The following MYO16 variants were observed in gnomAD, a reference collection of about 807,000 sequenced individuals.
The protein encoded by MYO16 is unconventional myosin-XVI.
In MYO16, 94 loss-of-function variants were observed where a neutral mutation model predicts 205.3. That is an observed-to-expected ratio of 0.46 (90% CI 0.39 to 0.54). MYO16 has a LOEUF of 0.54. Ranked by LOEUF, MYO16 falls within the 20% of genes least tolerant of loss-of-function variation. The pLI is 0.00. For synonymous variants in MYO16, 988 were observed against 954.0 expected, an observed-to-expected ratio of 1.04 and a Z score of -0.66; for missense variants, 2,315 against 2,387.5, an observed-to-expected ratio of 0.97 and a Z score of 0.63.
intron 4 of MYO16, among the ~76,000 whole-genome samples, chr13:108,738,624 G>A (rs926194876): frequency 3.3e-5 from 5 of 152,278 alleles, no homozygotes; most frequent in African/African-American, 7.2e-5. Flanking sequence ...TTGATTCGGG[G>A]TGAAGAGTTC....
At chr13:108,750,151 G>A (rs904956355) in intron 4 of MYO16, among the ~76,000 whole-genome samples, 1 of 152,156 alleles carries the variant, frequency 6.6e-6, no homozygotes, top group Admixed American at 6.5e-5. Flanking sequence ...ATTTTTTAGG[G>A]CAGTAAAACT....
intron 9 of MYO16, among the ~76,000 whole-genome samples, chr13:108,835,904 G>T (rs1235452901): frequency 1.3e-5 from 2 of 152,306 alleles, no homozygotes; most frequent in Admixed American, 1.3e-4. Flanking sequence ...TGGAAAATTT[G>T]CAGCCTGATG....
At chr13:108,745,133 A>C (rs1885020589) in intron 4 of MYO16, among the ~76,000 whole-genome samples, 1 of 152,238 alleles carries the variant, frequency 6.6e-6, no homozygotes, top group Non-Finnish European at 1.5e-5. Context: ...TGGACCTATC[A>C]GAGAACTAAG....
rs546964208 is a variant in MYO16, at chr13:109,205,314, T to C, written c.5416-1295T>C. Among the ~76,000 whole-genome samples, 7 of 152,276 alleles carry C rather than the reference T, an allele frequency of 4.6e-5. No homozygotes were observed. The East Asian group carries it at 1.4e-3, about 29-fold the overall frequency. On this transcript the variant is annotated intron_variant, in intron 34 of 34. Coordinates refer to ENST00000457511, the MANE Select transcript of MYO16 (RefSeq NM_001198950.3). Reference sequence around the variant, plus strand: ...TGATCCCAGCCTTTAAAATCCTCTTTCTGGGGGAAACAGTAGGCTCAGGTG... The same window carrying C: ...TGATCCCAGCCTTTAAAATCCTCTTCCTGGGGGAAACAGTAGGCTCAGGTG...
rs1298901755 is a variant in MYO16, at chr13:108,712,569, G to A, written c.293-92G>A. ...TAGTCTTTGGTTTTCACAGCTGTTT[G>A]CATTTTAGATATTAACGAAAGCCTA... On this transcript the variant is annotated intron_variant, in intron 2 of 34. Coordinates refer to ENST00000457511, the MANE Select transcript of MYO16 (RefSeq NM_001198950.3). 9 of 1,096,342 alleles carry A rather than the reference G, an allele frequency of 8.2e-6. No homozygotes were observed. The African/African-American group carries it at 1.4e-4, about 17-fold the overall frequency. 67.9% of individuals were successfully genotyped at this position (1,096,342 alleles called of 1,614,324 possible). A position where few individuals can be genotyped will look rare whatever the true frequency, so the allele number is the denominator to read the frequency against.
At chr13:108,755,669 T>G (rs1885400469) in intron 4 of MYO16, among the ~76,000 whole-genome samples, 1 of 152,188 alleles carries the variant, frequency 6.6e-6, no homozygotes, top group African/African-American at 2.4e-5. Context: ...AAAAATGAAG[T>G]AATTTTAAAG....
In MYO16 at chr13:108,793,594, C is replaced by T; in HGVS notation, c.695C>T (p.Ser232Leu). ...SMLTDVKHFL[S>L]SGGNVNEKND... is the part of the protein sequence containing the mutation. Reference sequence around the variant, plus strand: ...TTAACAGATGTCAAACACTTCTTATCATCTGGAGGAAATGTCAATGAGAAA... The same window carrying T: ...TTAACAGATGTCAAACACTTCTTATTATCTGGAGGAAATGTCAATGAGAAA... The change falls in exon 6 of 35, where the codon TCA (serine) becomes TTA (leucine). Residue 232 changes from serine to leucine, a missense_variant. Around this residue, in one of 3 missense-constraint regions of MYO16, gnomAD observed 1,213 missense variants for 1,274.4 expected, o/e 0.95. Transcript: ENST00000457511. 1 of 1,613,798 alleles carries T rather than the reference C, an allele frequency of 6.2e-7. No homozygotes were observed. The highest frequency in any genetic ancestry group is 8.5e-7 in the Non-Finnish European group (1 of 1,179,736).
At chr13:108,781,779 T>C (rs1886312404) in intron 4 of MYO16, among the ~76,000 whole-genome samples, 1 of 152,182 alleles carries the variant, frequency 6.6e-6, no homozygotes, top group Non-Finnish European at 1.5e-5. Flanking sequence ...GGCCGGTCTT[T>C]CCTGTGCTGG....
chr13:108,832,144 ATTT>A (rs10635580), intron 9 of MYO16, among the ~76,000 whole-genome samples: 1 of 134,600 alleles, frequency 7.4e-6, no homozygotes, highest in Admixed American at 7.7e-5. Flanking sequence ...TTCCGTATGG[ATTT>A]TTTTTTTTTT....
At chr13:109,203,338 A>G (rs748047994) in intron 34 of MYO16, among the ~76,000 whole-genome samples, 2 of 152,220 alleles carry the variant, frequency 1.3e-5, no homozygotes, top group Non-Finnish European at 2.9e-5. Flanking sequence ...AAGGAGCTCA[A>G]ACAAATTAGC....
intron 23 of MYO16, among the ~76,000 whole-genome samples, chr13:109,043,047 G>A (rs1421618885): frequency 2.0e-5 from 3 of 152,124 alleles, no homozygotes; most frequent in Non-Finnish European, 4.4e-5. Flanking sequence ...CACGTAAACC[G>A]GGTGCCATGT....
chr13:108,868,467 T>C (rs934565584), intron 12 of MYO16, among the ~76,000 whole-genome samples: 1 of 152,178 alleles, frequency 6.6e-6, no homozygotes, highest in African/African-American at 2.4e-5. Context: ...TGCTTAAAAA[T>C]TAAAAACTTT....
In MYO16 at chr13:109,010,226, G is replaced by A. The variant is rs147032441; in HGVS notation, c.2595+1177G>A. On this transcript the variant is annotated intron_variant, in intron 22 of 34. Coordinates refer to ENST00000457511, the MANE Select transcript of MYO16 (RefSeq NM_001198950.3). ...AGAGCCATGCAATCTCTTCTAAGCC[G>A]TTACTACTAAAGGAATTGGAGGTCA... 1.1e-4 allele frequency among the ~76,000 whole-genome samples: 16 copies of A among 152,208 alleles called. No homozygotes were observed. The East Asian group carries it at 1.9e-3, about 18-fold the overall frequency.
intron 1 of MYO16, among the ~76,000 whole-genome samples, chr13:108,612,967 G>C (rs1879228263): frequency 6.6e-6 from 1 of 152,132 alleles, no homozygotes; most frequent in Admixed American, 6.6e-5. Flanking sequence ...TCTGAAACAA[G>C]AAATAGCACT....
At chr13:108,704,131 A>C (rs2139526543) in intron 2 of MYO16, among the ~76,000 whole-genome samples, 1 of 152,314 alleles carries the variant, frequency 6.6e-6, no homozygotes, top group African/African-American at 2.4e-5. Flanking sequence ...CTATGAGAAA[A>C]TAAATTTCCA....
At chr13:108,870,179 A>G (rs1392321644) in intron 12 of MYO16, among the ~76,000 whole-genome samples, 2 of 151,986 alleles carry the variant, frequency 1.3e-5, no homozygotes, top group Non-Finnish European at 2.9e-5. Context: ...CCAATTGTTG[A>G]TATGAATATT....
At chr13:108,576,057 TA>T in the MYO16 span, among the ~76,000 whole-genome samples, 2 of 151,882 alleles carry the variant, frequency 1.3e-5, no homozygotes, top group African/African-American at 4.8e-5. Flanking sequence ...ACCCTAAGAC[TA>T]AAGAAAAAGG....
intron 11 of MYO16, among the ~76,000 whole-genome samples, chr13:108,864,199 T>G (rs555804253): frequency 1.1e-4 from 16 of 152,312 alleles, no homozygotes; most frequent in Middle Eastern, 3.4e-3. Flanking sequence ...TTATAATTGA[T>G]GTAATTTTTT....
intron 1 of MYO16, among the ~76,000 whole-genome samples, chr13:108,621,580 C>T (rs1227219359): frequency 9.2e-5 from 14 of 152,240 alleles, no homozygotes; most frequent in Non-Finnish European, 2.9e-5. Context: ...GCTTCCTGCT[C>T]GTTAATCATC....
Sources: gnomAD v4.1 joint callset for allele counts (sites outside exome capture counted in the v4.1 genomes callset) on GRCh38, gnomAD v4.1.1 for gene constraint, gnomAD v4.1.1 regional missense constraint, MANE v1.5 for transcripts, NCBI Gene and HGNC (gene_info 2026-07-23, HGNC 2026-07-21) for gene names.